PGCKA1: variants seen among roughly 807,000 people sequenced by gnomAD.
PGCKA1 encodes the protein PDCD10 and GCKIII kinases associated 1.
At chr4:37,590,304 G>T in the PGCKA1 span, 3 of 1,613,664 alleles carry the variant, frequency 1.9e-6, no homozygotes, top group African/African-American at 2.7e-5. Context: ...ACCAAGGGCC[G>T]CTCCCACAGG....
At chr4:37,517,269 A>AT in the PGCKA1 span, among the ~76,000 whole-genome samples, 1 of 143,964 alleles carries the variant, frequency 6.9e-6, no homozygotes, top group African/African-American at 2.7e-5. Context: ...ATATATATAT[A>AT]AATATATATA....
the PGCKA1 span, among the ~76,000 whole-genome samples, chr4:37,469,933 G>A: frequency 4.6e-5 from 7 of 152,122 alleles, no homozygotes; most frequent in Non-Finnish European, 5.9e-5. Context: ...TCTTCCAAAT[G>A]GATAAGGCAA....
chr4:37,476,342 A>G, the PGCKA1 span, among the ~76,000 whole-genome samples: 2 of 152,192 alleles, frequency 1.3e-5, no homozygotes, highest in African/African-American at 4.8e-5. Context: ...AAATTGCTCT[A>G]TAGTCACAGA....
chr4:37,470,803 T>C, the PGCKA1 span, among the ~76,000 whole-genome samples: 1 of 152,250 alleles, frequency 6.6e-6, no homozygotes, highest in Admixed American at 6.5e-5. Context: ...GTTTGAAGAA[T>C]CTTATTTTGC....
At chr4:37,559,891 T>C in the PGCKA1 span, among the ~76,000 whole-genome samples, 1 of 152,226 alleles carries the variant, frequency 6.6e-6, no homozygotes, top group Non-Finnish European at 1.5e-5. Context: ...GGTGCATGCA[T>C]TATTCTTGTT....
the PGCKA1 span, among the ~76,000 whole-genome samples, chr4:37,497,685 A>G: frequency 1.3e-5 from 2 of 152,046 alleles, no homozygotes; most frequent in Non-Finnish European, 2.9e-5. Context: ...TCTTCTTTTG[A>G]GAATTGTCTA....
the PGCKA1 span, among the ~76,000 whole-genome samples, chr4:37,485,297 T>C: frequency 6.6e-6 from 1 of 152,140 alleles, no homozygotes; most frequent in Non-Finnish European, 1.5e-5. Context: ...AGCCACAGTG[T>C]TGAGAGGTGG....
At chr4:37,469,108 G>A in the PGCKA1 span, among the ~76,000 whole-genome samples, 2 of 152,140 alleles carry the variant, frequency 1.3e-5, no homozygotes, top group East Asian at 1.9e-4. Context: ...AGTCACATGC[G>A]GTACAGATTT....
chr4:37,556,847 G>A, the PGCKA1 span, among the ~76,000 whole-genome samples: 4 of 152,182 alleles, frequency 2.6e-5, no homozygotes, highest in Non-Finnish European at 4.4e-5. Context: ...TAAATGAATT[G>A]TGAATACTAT....
the PGCKA1 span, among the ~76,000 whole-genome samples, chr4:37,551,376 C>T: frequency 6.6e-6 from 1 of 152,186 alleles, no homozygotes; most frequent in African/African-American, 2.4e-5. Context: ...GCCAGCTAGA[C>T]ACAAGATGGC....
chr4:37,529,754 C>T, the PGCKA1 span, among the ~76,000 whole-genome samples: 1 of 152,100 alleles, frequency 6.6e-6, no homozygotes, highest in Non-Finnish European at 1.5e-5. Context: ...CTGTAGCCGC[C>T]CCCTTCCCCA....
At chr4:37,510,229 T>C in the PGCKA1 span, among the ~76,000 whole-genome samples, 1 of 152,088 alleles carries the variant, frequency 6.6e-6, no homozygotes, top group African/African-American at 2.4e-5. Flanking sequence ...CTTATCTAGT[T>C]TGGTGAGGTC....
chr4:37,521,573 T>A, the PGCKA1 span, among the ~76,000 whole-genome samples: 29 of 152,324 alleles, frequency 1.9e-4, no homozygotes, highest in African/African-American at 6.0e-4. Flanking sequence ...TCTATTTTTT[T>A]AAATGTTTTA....
At chr4:37,589,890 C>T in the PGCKA1 span, among the ~76,000 whole-genome samples, 2 of 152,342 alleles carry the variant, frequency 1.3e-5, no homozygotes, top group East Asian at 1.9e-4. Context: ...CCTTGGCCAC[C>T]CAAATTGCTG....
At chr4:37,573,543 C>T in the PGCKA1 span, among the ~76,000 whole-genome samples, 2 of 151,082 alleles carry the variant, frequency 1.3e-5, no homozygotes, top group East Asian at 3.9e-4. Context: ...TGTAGATTTC[C>T]ACAAAACTGT....
chr4:37,537,098 A>G, the PGCKA1 span, among the ~76,000 whole-genome samples: 13 of 152,232 alleles, frequency 8.5e-5, no homozygotes, highest in East Asian at 1.3e-3. Flanking sequence ...ACCTGTGCCA[A>G]TGTAACATAT....
At chr4:37,545,922 A>G in the PGCKA1 span, among the ~76,000 whole-genome samples, 4 of 152,210 alleles carry the variant, frequency 2.6e-5, no homozygotes, top group Non-Finnish European at 4.4e-5. Flanking sequence ...AAAATATAGT[A>G]CATATTTACA....
At chr4:37,510,235 A>T in the PGCKA1 span, among the ~76,000 whole-genome samples, 1 of 151,886 alleles carries the variant, frequency 6.6e-6, no homozygotes, top group African/African-American at 2.4e-5. Flanking sequence ...TAGTTTGGTG[A>T]GGTCATGTCT....
chr4:37,528,350 A>G, the PGCKA1 span, among the ~76,000 whole-genome samples: 1 of 152,194 alleles, frequency 6.6e-6, no homozygotes. Context: ...TTTGTTAAGC[A>G]ATAGCTGTGA....
Sources: allele counts gnomAD v4.1 joint callset (sites outside exome capture counted in the v4.1 genomes callset), GRCh38; gene constraint gnomAD v4.1.1; transcripts MANE v1.5; gene names NCBI Gene and HGNC (gene_info 2026-07-23, HGNC 2026-07-21).